Variants in DZIP1L observed in about 807,000 individuals in gnomAD.
DZIP1L encodes the protein cilium assembly protein DZIP1L.
Under a neutral mutation model 88.7 loss-of-function variants are expected in DZIP1L, and 90 were observed. The observed-to-expected ratio is 1.02, with a 90% CI of 0.86 to 1.21. The LOEUF (loss-of-function observed/expected upper bound fraction) is 1.21. DZIP1L is among the 50% of genes most tolerant of loss of function. The pLI is 0.00. For synonymous variants in DZIP1L, 363 were observed against 372.1 expected (o/e 0.98, Z 0.28); for missense variants, 932 against 955.8 (o/e 0.98, Z 0.33).
At chr3:138,101,752 A>G (rs2042320458) in intron 2 of DZIP1L, 2 of 971,536 alleles carry the variant, frequency 2.1e-6, no homozygotes, top group African/African-American at 3.2e-5. Context: ...GCCCTCCAGC[A>G]GCTTCCTATA....
intron 2 of DZIP1L, among the ~76,000 whole-genome samples, chr3:138,100,405 G>T (rs1944678653): frequency 6.6e-6 from 1 of 152,160 alleles, no homozygotes; most frequent in African/African-American, 2.4e-5. Flanking sequence ...TGACTGTTCT[G>T]ACTTCTATCC....
chr3:138,103,057 C>T (rs572321805), intron 2 of DZIP1L: 7 of 436,954 alleles, frequency 1.6e-5, no homozygotes, highest in Non-Finnish European at 2.9e-5. Flanking sequence ...TAACATAGTA[C>T]AAGCACACAT....
chr3:138,091,847 C>T (rs1047420670), intron 5 of DZIP1L, among the ~76,000 whole-genome samples: 2 of 152,032 alleles, frequency 1.3e-5, no homozygotes, highest in Non-Finnish European at 2.9e-5. Flanking sequence ...ATAAAGTATA[C>T]TGCATGGGGG....
rs751404547 is a variant in DZIP1L at position 138,103,695 on chromosome 3, T to C, written c.277A>G (p.Ile93Val). ...LLKVLRLAQL[I>V]IEYLLHCQDC... ...TGGCAGTGCAGCAGGTACTCAATGATGAGCTGCGCCAGGCGCAGCACCTTG... is the reference window on the plus strand; with the variant it reads ...TGGCAGTGCAGCAGGTACTCAATGACGAGCTGCGCCAGGCGCAGCACCTTG... The change falls in exon 2 of 16, where the codon ATC becomes GTC. Residue 93 changes from isoleucine (I) to valine (V), a missense_variant. By Grantham distance (29) the Ile-to-Val change is conservative (BLOSUM62 3). Coordinates refer to ENST00000327532, the MANE Select transcript of DZIP1L (RefSeq NM_173543.3). 34 of 1,612,248 alleles carry C rather than the reference T, an allele frequency of 2.1e-5. No individual in the cohort carries two copies. In the South Asian group the frequency reaches 3.5e-4, roughly 17 times the overall value.
At chr3:138,082,320 C>T (rs36119646) in intron 8 of DZIP1L, among the ~76,000 whole-genome samples, 3 of 152,178 alleles carry the variant, frequency 2.0e-5, no homozygotes, top group South Asian at 2.1e-4. Flanking sequence ...ACACCACAGC[C>T]GGACCCAACA....
rs1056417060 is a variant in DZIP1L, at chr3:138,115,313, G to T, written c.-82+15C>A. ...GACGAATTCCTGGCATAGTTTTCCC[G>T]CGCGGCCCGCTCACCGTGGGGTCTC... is the stretch of plus-strand genomic sequence containing the variant. On this transcript the variant is annotated intron_variant, in intron 1 of 15. Transcript: ENST00000327532. 6.6e-6 allele frequency: 1 copy of T among 152,196 alleles called. No individual in the cohort carries two copies. 9.4% of individuals were successfully genotyped at this position (152,196 alleles called of 1,614,324 possible). A position where few individuals can be genotyped will look rare whatever the true frequency, so the allele number is the denominator to read the frequency against.
intron 1 of DZIP1L, among the ~76,000 whole-genome samples, chr3:138,109,755 T>A (rs2042586943): frequency 6.6e-6 from 1 of 152,184 alleles, no homozygotes; most frequent in African/African-American, 2.4e-5. Context: ...GTGGCACATA[T>A]ACACCATGGA....
chr3:138,074,399 T>C (rs1943308503), intron 11 of DZIP1L, among the ~76,000 whole-genome samples: 1 of 152,230 alleles, frequency 6.6e-6, no homozygotes, highest in Non-Finnish European at 1.5e-5. Flanking sequence ...ATTGGGGTCC[T>C]ATTCTTTAGC....
At chr3:138,087,349 C>T (rs755157268) in intron 6 of DZIP1L, among the ~76,000 whole-genome samples, 2 of 152,136 alleles carry the variant, frequency 1.3e-5, no homozygotes, top group Non-Finnish European at 2.9e-5. Flanking sequence ...TAAAAGAAAA[C>T]ACAGGAATGT....
At position 138,098,927 on chromosome 3, in the gene DZIP1L, C is replaced by T. The variant is rs111811024; in HGVS notation, c.502-1080G>A. Among the ~76,000 whole-genome samples, 319 of 152,268 alleles carry T rather than the reference C, an allele frequency of 2.1e-3. 1 individual carries two copies. Among genetic ancestry groups the T allele is most frequent in the African/African-American group, 7.4e-3 (307 of 41,548 alleles). ...TTGGGAGGCTGAGGTGGGCGGATCA[C>T]TTGAGCCCAGGAGTTCGAGACCAGC... is the stretch of plus-strand genomic sequence containing the variant. On this transcript the variant is annotated intron_variant, in intron 2 of 15. Coordinates refer to ENST00000327532, the MANE Select transcript of DZIP1L (RefSeq NM_173543.3).
At chr3:138,110,922 C>T (rs1216458458) in intron 1 of DZIP1L, among the ~76,000 whole-genome samples, 1 of 152,194 alleles carries the variant, frequency 6.6e-6, no homozygotes, top group East Asian at 1.9e-4. Context: ...TAGTGTCTGG[C>T]TCCAAAGTTT....
Position 138,077,530 on chromosome 3 carries a change from T to C in DZIP1L, c.1391A>G (p.Glu464Gly). The part of the protein sequence containing the change: ...HFRPILEDTL[E>G]EKLESMGIRK... ...TATCCCCATGCTTTCGAGCTTCTCTTCCAGGGTGTCCTCCAGGATTGGTCT... is the reference window on the plus strand; with the variant it reads ...TATCCCCATGCTTTCGAGCTTCTCTCCCAGGGTGTCCTCCAGGATTGGTCT... Residue 464 changes from glutamate (E) to glycine (G), a missense_variant, in exon 11 of 16, where the codon GAA becomes GGA. Physicochemically the swap from Glu to Gly is moderately conservative, Grantham distance 98. Coordinates refer to ENST00000327532, the MANE Select transcript of DZIP1L (RefSeq NM_173543.3). 1.2e-6 allele frequency: 2 copies of C among 1,614,206 alleles called. No homozygotes were observed. Among genetic ancestry groups the C allele is most frequent in the Non-Finnish European group, 1.7e-6 (2 of 1,180,032 alleles).
chr3:138,101,758 C>T (rs1287547114), intron 2 of DZIP1L: 23 of 1,000,012 alleles, frequency 2.3e-5, no homozygotes, highest in Non-Finnish European at 3.1e-5. Flanking sequence ...CAGCAGCTTC[C>T]TATAGGTGGC....
intron 5 of DZIP1L, among the ~76,000 whole-genome samples, chr3:138,090,793 G>A (rs1944180189): frequency 6.6e-6 from 1 of 152,072 alleles, no homozygotes; most frequent in Admixed American, 6.6e-5. Context: ...GATCTAGGAG[G>A]ACCAATGAGA....
At position 138,071,474 on chromosome 3, in the gene DZIP1L, C is replaced by A. The variant is rs76830735; in HGVS notation, c.1615+169G>T. On this transcript the variant is annotated intron_variant, in intron 12 of 15. Transcript: ENST00000327532. ...TCCACCCCAGATCCTATTTCCTCAA[C>A]AGAGAACTTCTGGACTCAGTCCCCT... Among the ~76,000 whole-genome samples, 93 of 152,350 alleles carry A rather than the reference C, an allele frequency of 6.1e-4. 1 individual carries two copies. The East Asian group carries it at 0.015, about 25-fold the overall frequency.
chr3:138,093,855 T>A (rs1944349617), intron 4 of DZIP1L, among the ~76,000 whole-genome samples: 1 of 152,230 alleles, frequency 6.6e-6, no homozygotes, highest in Non-Finnish European at 1.5e-5. Flanking sequence ...TGTGGCCGGT[T>A]TGATCTTCTA....
chr3:138,108,586 C>A (rs1013890154), intron 1 of DZIP1L, among the ~76,000 whole-genome samples: 1 of 152,104 alleles, frequency 6.6e-6, no homozygotes, highest in African/African-American at 2.4e-5. Flanking sequence ...TCTCCCTGCA[C>A]GCTATCCCTA....
chr3:138,104,894 C>A (rs900103284), intron 1 of DZIP1L, among the ~76,000 whole-genome samples: 5 of 152,176 alleles, frequency 3.3e-5, no homozygotes, highest in Non-Finnish European at 5.9e-5. Flanking sequence ...GAATTTTGAA[C>A]ATTCCACTAC....
chr3:138,100,199 G>T (rs1247466687), intron 2 of DZIP1L, among the ~76,000 whole-genome samples: 2 of 152,194 alleles, frequency 1.3e-5, no homozygotes, highest in African/African-American at 4.8e-5. Flanking sequence ...GGACTACTAA[G>T]CAATGGCCAA....
Sources: allele counts gnomAD v4.1 joint callset (sites outside exome capture counted in the v4.1 genomes callset), GRCh38; gene constraint gnomAD v4.1.1; transcripts MANE v1.5; gene names NCBI Gene and HGNC (gene_info 2026-07-23, HGNC 2026-07-21).